STK10: variants seen among roughly 807,000 people sequenced by gnomAD.
STK10 encodes the protein serine/threonine-protein kinase 10.
STK10 carries 78 observed loss-of-function variants against 113.8 expected under a neutral mutation model. The ratio of observed to expected loss-of-function variants is 0.69; its 90% CI spans 0.57 to 0.83. The LOEUF (loss-of-function observed/expected upper bound fraction) is 0.83. Among genes scored for constraint, STK10 ranks in the 40% least tolerant of loss-of-function variants. The pLI is 0.00. For synonymous variants in STK10, 465 were observed against 494.7 expected (o/e 0.94, Z 0.80); for missense variants, 1,109 against 1,280.1 (o/e 0.87, Z 2.04).
At chr5:172,105,346 C>A (rs1405237294) in intron 7 of STK10, among the ~76,000 whole-genome samples, 1 of 152,096 alleles carries the variant, frequency 6.6e-6, no homozygotes, top group Non-Finnish European at 1.5e-5. Context: ...AGGCGCCCCA[C>A]CCCTGCACTG....
intron 1 of STK10, among the ~76,000 whole-genome samples, chr5:172,175,062 C>T (rs1468889255): frequency 1.3e-5 from 2 of 152,194 alleles, no homozygotes; most frequent in East Asian, 3.8e-4. Flanking sequence ...GTCACCCAGA[C>T]TGGAGTGCAG....
rs143664420 is a variant in STK10, at chr5:172,186,989, G to A, written c.156+898C>T. ...GGCTTAGAAGAGAGGTGCTCTCCTG[G>A]AGGTATACACCAATTTAACAAGTGG... On this transcript the variant is annotated intron_variant, in intron 1 of 18. Coordinates refer to ENST00000176763, the MANE Select transcript of STK10 (RefSeq NM_005990.4). Among the ~76,000 whole-genome samples, 21 of 152,230 alleles carry A rather than the reference G, an allele frequency of 1.4e-4. No homozygotes were observed. In the East Asian group the frequency reaches 3.7e-3, roughly 27 times the overall value.
At chr5:172,113,273 G>GA (rs1299101112) in intron 4 of STK10, among the ~76,000 whole-genome samples, 2 of 152,066 alleles carry the variant, frequency 1.3e-5, no homozygotes, top group Non-Finnish European at 2.9e-5. Flanking sequence ...GCTGCAGGAT[G>GA]AACAAAACCC....
chr5:172,139,900 C>CAA (rs34385866), intron 2 of STK10, among the ~76,000 whole-genome samples: 15,478 of 91,920 alleles, frequency 0.17, 1,143 homozygotes, highest in Middle Eastern at 0.2. Flanking sequence ...AAAGCACAGC[C>CAA]AAAAAAAAAA....
At chr5:172,184,527 G>A (rs1330216351) in intron 1 of STK10, among the ~76,000 whole-genome samples, 2 of 152,174 alleles carry the variant, frequency 1.3e-5, no homozygotes, top group Admixed American at 1.3e-4. Flanking sequence ...AGGTCTATCA[G>A]CAATCACACA....
Position 172,054,839 on chromosome 5 carries a change from C to A in STK10, c.2527-145G>T, listed in dbSNP as rs371971181. 1.6e-5 allele frequency: 20 copies of A among 1,248,484 alleles called. No homozygotes were observed. The East Asian group carries it at 2.1e-4, about 13-fold the overall frequency. The allele number at this position is 1,248,484 out of a possible 1,614,324, so 77.3% of individuals were successfully genotyped here. A position where few individuals can be genotyped will look rare whatever the true frequency, so the allele number is the denominator to read the frequency against. ...GTACCCAGCACCACCTCAGGCTGTG[C>A]CCGTGTTAAGTCCTCACCCTGAGCT... On this transcript the variant is annotated intron_variant, in intron 16 of 18. Coordinates refer to ENST00000176763, the MANE Select transcript of STK10 (RefSeq NM_005990.4).
rs778247621 is a variant in STK10 at position 172,093,707 on chromosome 5, G to C, written c.1259C>G (p.Ala420Gly). 3.1e-6 allele frequency: 5 copies of C among 1,614,060 alleles called. No homozygotes were observed. The East Asian group carries it at 1.1e-4, about 36-fold the overall frequency. ...LRKSRPVSMD[A>G]RIQVAQEKQV... ...CTTCTCCTGGGCTACCTGAATTCTGGCATCCATTGACACGGGTCGGGACTT... is the reference window on the plus strand; with the variant it reads ...CTTCTCCTGGGCTACCTGAATTCTGCCATCCATTGACACGGGTCGGGACTT... Residue 420 changes from alanine (A) to glycine (G), a missense_variant, in exon 9 of 19, where the codon GCC becomes GGC. Coordinates refer to ENST00000176763, the MANE Select transcript of STK10 (RefSeq NM_005990.4). This position sits in a 1 kb window ranked among gnomAD's most constrained non-coding sequence, Gnocchi z 4.1.
chr5:172,158,955 A>G (rs1379860817), intron 1 of STK10, among the ~76,000 whole-genome samples: 1 of 152,240 alleles, frequency 6.6e-6, no homozygotes, highest in Admixed American at 6.5e-5. Context: ...TTTGAGGTGT[A>G]GACAGCAGTG....
intron 7 of STK10, among the ~76,000 whole-genome samples, chr5:172,097,471 G>A (rs761095286): frequency 1.6e-4 from 25 of 152,248 alleles, no homozygotes; most frequent in Non-Finnish European, 2.5e-4. Context: ...CCAGCCTCGG[G>A]AGCCTGCTCC....
Position 172,064,784 on chromosome 5 carries a change from C to G in STK10, c.2018G>C (p.Arg673Pro). Residue 673 changes from arginine to proline, a missense_variant, in exon 13 of 19, where the codon CGA becomes CCA. By Grantham distance (103) the Arg-to-Pro change is moderately radical. Coordinates refer to ENST00000176763, the MANE Select transcript of STK10 (RefSeq NM_005990.4). Reference sequence around the variant, plus strand: ...CTTCATGCTTTCCTTCCGCTGCTGTCGGGGGAGCTTCTCCACCTCGTTCTT... The same window carrying G: ...CTTCATGCTTTCCTTCCGCTGCTGTGGGGGGAGCTTCTCCACCTCGTTCTT... ...EVKNEVEKLP[R>P]QQRKESMKQK... is the part of the protein sequence containing the mutation. 1.2e-6 allele frequency: 2 copies of G among 1,613,856 alleles called. No homozygotes were observed. The highest frequency in any genetic ancestry group is 1.7e-6 in the Non-Finnish European group (2 of 1,179,970).
At chr5:172,057,310 C>T (rs765349137) in intron 15 of STK10, 39 bp downstream of exon 15, 28 of 1,569,318 alleles carry the variant, frequency 1.8e-5, no homozygotes, top group African/African-American at 1.1e-4. Context: ...CAGGTCGGCC[C>T]GGCAGCAGAT....
intron 1 of STK10, among the ~76,000 whole-genome samples, chr5:172,183,257 C>T (rs1429396548): frequency 2.0e-5 from 3 of 152,124 alleles, no homozygotes; most frequent in African/African-American, 2.4e-5. Flanking sequence ...GCTAACCCAA[C>T]TCCTTTCATT....
chr5:172,100,800 A>G (rs764845308), intron 7 of STK10, among the ~76,000 whole-genome samples: 4 of 152,138 alleles, frequency 2.6e-5, no homozygotes, highest in Non-Finnish European at 5.9e-5. Flanking sequence ...AAAAATAAAA[A>G]TAAGAATAAA....
intron 18 of STK10, among the ~76,000 whole-genome samples, chr5:172,045,895 G>A (rs1767485035): frequency 6.6e-6 from 1 of 151,498 alleles, no homozygotes; most frequent in Admixed American, 6.6e-5. Flanking sequence ...TCATCGTGTT[G>A]GCCAGACTGG....
At chr5:172,144,772 T>C (rs1054857918) in intron 2 of STK10, among the ~76,000 whole-genome samples, 3 of 152,030 alleles carry the variant, frequency 2.0e-5, no homozygotes, top group Non-Finnish European at 4.4e-5. Flanking sequence ...TTCCTAAGCG[T>C]GTACGTGCCA....
chr5:172,081,522 T>C (rs72841773), intron 12 of STK10, among the ~76,000 whole-genome samples: 19,779 of 152,086 alleles, frequency 0.13, 1,378 homozygotes, highest in Non-Finnish European at 0.14. Context: ...AAACCCACAG[T>C]ATCTCCGAGG....
At chr5:172,136,956 C>A (rs147299429) in intron 2 of STK10, among the ~76,000 whole-genome samples, 253 of 152,114 alleles carry the variant, frequency 1.7e-3, no homozygotes, top group African/African-American at 5.9e-3. Flanking sequence ...AATATTTCTC[C>A]TAATGCTATC....
chr5:172,181,160 C>G (rs1376197091), intron 1 of STK10, among the ~76,000 whole-genome samples: 3 of 152,224 alleles, frequency 2.0e-5, no homozygotes, highest in African/African-American at 7.2e-5. Flanking sequence ...TACGCTGCTG[C>G]CTTCCCAGCA....
chr5:172,048,829 G>GC (rs139348531), intron 18 of STK10, among the ~76,000 whole-genome samples: 6,039 of 151,492 alleles, frequency 0.04, 290 homozygotes, highest in East Asian at 0.11. Flanking sequence ...CTTTACGCAG[G>GC]CCCCCCACCC....
Sources: gnomAD v4.1 joint callset for allele counts (sites outside exome capture counted in the v4.1 genomes callset) on GRCh38, gnomAD v4.1.1 for gene constraint, Gnocchi (gnomAD v3.1) non-coding constraint, MANE v1.5 for transcripts, NCBI Gene and HGNC (gene_info 2026-07-23, HGNC 2026-07-21) for gene names.